The following UBAP2 variants were observed in gnomAD, a reference collection of about 807,000 sequenced individuals.
UBAP2 encodes ubiquitin associated protein 2.
A neutral mutation model predicts 139.6 loss-of-function variants in UBAP2; 75 were observed. The observed-to-expected ratio is 0.54, with a 90% CI of 0.45 to 0.65. The LOEUF (loss-of-function observed/expected upper bound fraction) is 0.65. UBAP2 is among the 30% of genes least tolerant of loss of function. The pLI is 0.00. For synonymous variants in UBAP2, 526 were observed against 526.2 expected, an observed-to-expected ratio of 1.00 and a Z score of 0.01; for missense variants, 1,368 against 1,369.6, an observed-to-expected ratio of 1.00 and a Z score of 0.02.
At chr9:33,942,425 A>AAAC (rs71891795) in intron 15 of UBAP2, among the ~76,000 whole-genome samples, 1 of 131,526 alleles carries the variant, frequency 7.6e-6, no homozygotes, top group Non-Finnish European at 1.8e-5. Context: ...GAAAAAACTA[A>AAAC]AACAACAACA....
intron 10 of UBAP2, among the ~76,000 whole-genome samples, chr9:33,960,359 T>G (rs1826945263): frequency 6.6e-6 from 1 of 152,116 alleles, no homozygotes; most frequent in Non-Finnish European, 1.5e-5. Context: ...AAGAAGCATC[T>G]GCTAAAAAAG....
At chr9:34,017,922 G>A (rs557850451) in intron 1 of UBAP2, among the ~76,000 whole-genome samples, 8 of 149,186 alleles carry the variant, frequency 5.4e-5, no homozygotes, top group South Asian at 2.1e-4. Flanking sequence ...GCGAGACTCC[G>A]TCTCAAAAAA....
chr9:33,935,773 G>A (rs373507878), intron 17 of UBAP2, 66 bp downstream of exon 17: 1 of 1,581,128 alleles, frequency 6.3e-7, no homozygotes, highest in African/African-American at 1.3e-5. Flanking sequence ...CACATCACGT[G>A]AGCTATCCTC....
At chr9:33,954,202 T>C (rs1737155832) in intron 11 of UBAP2, among the ~76,000 whole-genome samples, 1 of 151,292 alleles carries the variant, frequency 6.6e-6, no homozygotes, top group Non-Finnish European at 1.5e-5. Context: ...CCACCCTACC[T>C]GGCCAAGTTT....
chr9:33,975,768 C>A (rs541847389), intron 6 of UBAP2, among the ~76,000 whole-genome samples: 1 of 149,506 alleles, frequency 6.7e-6, no homozygotes, highest in Admixed American at 6.7e-5. Context: ...CAACACTGCA[C>A]TCCAGCCTGG....
At chr9:33,994,614 G>A (rs1821993141) in intron 4 of UBAP2, 1 of 150,788 alleles carries the variant, frequency 6.6e-6, no homozygotes, top group African/African-American at 2.4e-5. Flanking sequence ...TTAGTCCCAG[G>A]TCAGTAAACA....
chr9:33,989,689 C>T (rs764968985), intron 4 of UBAP2, among the ~76,000 whole-genome samples: 2 of 152,112 alleles, frequency 1.3e-5, no homozygotes, highest in Non-Finnish European at 1.5e-5. Context: ...AACATAAAGC[C>T]CTTTCCTATG....
At position 33,923,593 on chromosome 9, in the gene UBAP2, GTGTTTTCAT is replaced by G. The variant is rs570889752; in HGVS notation, c.2797-124_2797-116del. 1.4e-5 allele frequency: 16 copies of G among 1,150,042 alleles called. No homozygotes were observed. The East Asian group carries it at 2.3e-4, about 17-fold the overall frequency. The allele number at this position is 1,150,042 out of a possible 1,614,324, so 71.2% of individuals were successfully genotyped here. A position where few individuals can be genotyped will look rare whatever the true frequency, so the allele number is the denominator to read the frequency against. Reference sequence around the variant, plus strand: ...ACATACCCACAACCACAGGGGACCTGTGTTTTCATTAGTGCAACACATGCTGGATCTAAA... The same window carrying G: ...ACATACCCACAACCACAGGGGACCTGTAGTGCAACACATGCTGGATCTAAA... On this transcript the variant is annotated intron_variant, in intron 24 of 28. Coordinates refer to ENST00000379238, the MANE Select transcript of UBAP2 (RefSeq NM_001370062.2).
In UBAP2 at chr9:33,943,236, T is replaced by C. The variant is rs566764558; in HGVS notation, c.1715+184A>G. Among the ~76,000 whole-genome samples, 7 of 152,310 alleles carry C rather than the reference T, an allele frequency of 4.6e-5. No individual in the cohort carries two copies. The East Asian group carries it at 1.3e-3, about 29-fold the overall frequency. On this transcript the variant is annotated intron_variant, in intron 15 of 28. Coordinates refer to ENST00000379238, the MANE Select transcript of UBAP2 (RefSeq NM_001370062.2). The stretch of plus-strand genomic sequence containing the variant: ...GGCAAATCCAGAGACAGATTATTGG[T>C]TGCTAAGGGGCAGGGCAATGAAGAA...
At chr9:34,019,925 G>C (rs1824761462) in intron 1 of UBAP2, among the ~76,000 whole-genome samples, 1 of 151,852 alleles carries the variant, frequency 6.6e-6, no homozygotes, top group Non-Finnish European at 1.5e-5. Flanking sequence ...ACTTTGGGAG[G>C]CTGAGGCAGG....
At position 34,038,124 on chromosome 9, in the gene UBAP2, C is replaced by G. The variant is rs568959420; in HGVS notation, c.-42+10701G>C. Among the ~76,000 whole-genome samples the G allele has an allele frequency of 1.7e-4, 23 of 135,896 alleles. 1 individual carries two copies. In the East Asian group the frequency reaches 4.0e-3, roughly 24 times the overall value. The allele number at this position is 135,896 out of a possible 152,430, so 89.2% of individuals were successfully genotyped here. Reference sequence around the variant, plus strand: ...AAGGCTGCAATGAGCTAGGATTGCACCACTGCACTCCAGCCTGGGAAAAAA... The same window carrying G: ...AAGGCTGCAATGAGCTAGGATTGCAGCACTGCACTCCAGCCTGGGAAAAAA... On this transcript the variant is annotated intron_variant, in intron 1 of 28. Transcript: ENST00000379238.
chr9:34,035,241 G>A (rs1396400489), intron 1 of UBAP2, among the ~76,000 whole-genome samples: 4 of 151,820 alleles, frequency 2.6e-5, no homozygotes, highest in South Asian at 2.1e-4. Flanking sequence ...GGTGGCTCAC[G>A]CCTGTAATCC....
intron 15 of UBAP2, 123 bp downstream of exon 15, chr9:33,943,297 T>C (rs1454630913): frequency 1.8e-5 from 17 of 939,618 alleles, no homozygotes; most frequent in Non-Finnish European, 2.6e-5. Context: ...GGGTTTCTTA[T>C]GGAGATGATG....
intron 6 of UBAP2, among the ~76,000 whole-genome samples, chr9:33,973,578 G>A (rs1342114693): frequency 6.6e-6 from 1 of 152,176 alleles, no homozygotes; most frequent in Non-Finnish European, 1.5e-5. Flanking sequence ...TAAATGAAAT[G>A]AGAACCAGAA....
At chr9:33,937,467 T>TG (rs1824655188) in intron 16 of UBAP2, among the ~76,000 whole-genome samples, 1 of 151,222 alleles carries the variant, frequency 6.6e-6, no homozygotes, top group South Asian at 2.1e-4. Flanking sequence ...ATTAGCTAGG[T>TG]GGGGTGACAC....
At chr9:34,007,630 C>T (rs1823340949) in intron 2 of UBAP2, among the ~76,000 whole-genome samples, 1 of 149,774 alleles carries the variant, frequency 6.7e-6, no homozygotes, top group South Asian at 2.1e-4. Context: ...GTTTTTTGTC[C>T]TTGTATGTTT....
intron 2 of UBAP2, among the ~76,000 whole-genome samples, chr9:34,008,030 G>C (rs182013613): frequency 1.3e-5 from 2 of 152,248 alleles, no homozygotes; most frequent in African/African-American, 4.8e-5. Flanking sequence ...AAGAGGGCCA[G>C]AGGCTGAGGC....
chr9:33,989,153 T>C (rs1178763815), intron 4 of UBAP2, 27 bp from the exon 5 acceptor site: 1 of 1,581,992 alleles, frequency 6.3e-7, no homozygotes, highest in South Asian at 1.2e-5. Context: ...CTGTTAATCA[T>C]TTATCATTCA....
At chr9:34,010,427 TAAAAAAAA>T (rs57695373) in intron 2 of UBAP2, among the ~76,000 whole-genome samples, 1 of 108,342 alleles carries the variant, frequency 9.2e-6, no homozygotes, top group Non-Finnish European at 1.8e-5. Context: ...CTCTGCCTCA[TAAAAAAAA>T]AAAAAAAAAA....
Sources: gnomAD v4.1 joint callset for allele counts (sites outside exome capture counted in the v4.1 genomes callset) on GRCh38, gnomAD v4.1.1 for gene constraint, MANE v1.5 for transcripts, NCBI Gene and HGNC (gene_info 2026-07-23, HGNC 2026-07-21) for gene names.